SEPTIN4: variants seen among roughly 807,000 people sequenced by gnomAD.
The protein encoded by SEPTIN4 is septin-4.
In SEPTIN4, 52 loss-of-function variants were observed where a neutral mutation model predicts 107.1. The ratio of observed to expected loss-of-function variants is 0.49; its 90% CI spans 0.39 to 0.61. SEPTIN4 has a LOEUF of 0.61. Among genes scored for constraint, SEPTIN4 ranks in the 20% least tolerant of loss-of-function variants. The pLI, the probability that SEPTIN4 is intolerant of heterozygous loss-of-function variation, is 0.00. For synonymous variants in SEPTIN4, 417 were observed against 467.0 expected (o/e 0.89, Z 1.38); for missense variants, 1,048 against 1,243.5 (o/e 0.84, Z 2.36).
intron 6 of SEPTIN4, 87 bp from the exon 7 acceptor site, chr17:58,525,288 C>A: frequency 1.3e-6 from 2 of 1,535,684 alleles, no homozygotes; most frequent in Admixed American, 1.7e-5. Context: ...CCTTGTTGCT[C>A]AGACTGCCTA....
Position 58,540,054 on chromosome 17 carries a change from G to C in SEPTIN4, c.1614+612C>G, listed in dbSNP as rs910929165. ...GGCCATTGCTAGGCTTTGGGTAATA[G>C]AGAAATATGGCAAGAGAAAATAATG... is the stretch of plus-strand genomic sequence containing the variant. On this transcript the variant is annotated intron_variant, in intron 3 of 13. Coordinates refer to ENST00000672673, the MANE Select transcript of SEPTIN4 (RefSeq NM_001368771.2). Among the ~76,000 whole-genome samples, 7 of 152,326 alleles carry C rather than the reference G, an allele frequency of 4.6e-5. No individual in the cohort carries two copies. The East Asian group carries it at 5.8e-4, about 13-fold the overall frequency.
At chr17:58,535,702 T>G (rs1004842361) in intron 3 of SEPTIN4, among the ~76,000 whole-genome samples, 1 of 152,200 alleles carries the variant, frequency 6.6e-6, no homozygotes, top group South Asian at 2.1e-4. Flanking sequence ...TCTGTATACT[T>G]TTCTCTACCA....
rs577749799 is a variant in SEPTIN4, at chr17:58,531,848, C to A, written c.1615-4870G>T. 1,744 of 1,011,598 alleles carry A rather than the reference C, an allele frequency of 1.7e-3. 1 individual carries two copies. The highest frequency in any genetic ancestry group is 2.2e-3 in the South Asian group (47 of 21,466). The allele number at this position is 1,011,598 out of a possible 1,614,324, so 62.7% of individuals were successfully genotyped here. A position where few individuals can be genotyped will look rare whatever the true frequency, so the allele number is the denominator to read the frequency against. On this transcript the variant is annotated intron_variant, in intron 3 of 13. Transcript: ENST00000672673. The stretch of plus-strand genomic sequence containing the variant: ...CCGGGGCCGGCGACGGCGCCTCCCA[C>A]CCTGCACAGCCGCGGCTGCGGTGCC...
At chr17:58,524,039 T>C (rs776953079) in intron 7 of SEPTIN4, among the ~76,000 whole-genome samples, 2 of 152,188 alleles carry the variant, frequency 1.3e-5, no homozygotes, top group African/African-American at 2.4e-5. Flanking sequence ...AAGGAGATCA[T>C]TTGCTCAAGA....
rs2042958594 is a variant in SEPTIN4 at position 58,526,837 on chromosome 17, C to G, written c.1756G>C (p.Ala586Pro). Reference protein sequence around the residue: ...RPQVPEPRPQAPDLYDDDLEF... With the variant: ...RPQVPEPRPQPPDLYDDDLEF... ...AGGTCATCATCATAGAGGTCCGGGG[C>G]CTGGGGCCTTGGCTCCGGGACTTGG... is the stretch of plus-strand genomic sequence containing the variant. The change falls in exon 4 of 14, where the codon GCC becomes CCC. Residue 586 changes from alanine (A) to proline (P), a missense_variant. Physicochemically the swap from Ala to Pro is conservative, Grantham distance 27 (BLOSUM62 -1). Around this residue, in one of 2 missense-constraint regions of SEPTIN4, gnomAD observed 787 missense variants for 871.8 expected, o/e 0.90. Transcript: ENST00000672673. 5 of 1,613,694 alleles carry G rather than the reference C, an allele frequency of 3.1e-6. No individual in the cohort carries two copies. Among genetic ancestry groups the G allele is most frequent in the African/African-American group, 1.3e-5 (1 of 74,978 alleles).
chr17:58,529,401 C>A lies in SEPTIN4; in HGVS notation c.1615-2423G>T, dbSNP rs897099985. ...TCTCCTCCCCTTCCCTTGGCTCCCACCCTCCAAGGACAGCTCAGCTGCAGC... is the reference window on the plus strand; with the variant it reads ...TCTCCTCCCCTTCCCTTGGCTCCCAACCTCCAAGGACAGCTCAGCTGCAGC... On this transcript the variant is annotated intron_variant, in intron 3 of 13. Transcript: ENST00000672673. The A allele has an allele frequency of 2.8e-6, 4 of 1,421,908 alleles. No homozygotes were observed. In the African/African-American group the frequency reaches 5.8e-5, roughly 20 times the overall value. The allele number at this position is 1,421,908 out of a possible 1,614,324, so 88.1% of individuals were successfully genotyped here. A position where few individuals can be genotyped will look rare whatever the true frequency, so the allele number is the denominator to read the frequency against.
rs1567945058 is a variant in SEPTIN4, at chr17:58,520,392, G to A, written c.*34C>T. ...GGGGCCGGCATGGACAGGAAGAAGA[G>A]GAGGAGATTTAAATATCCAGGGCTG... On this transcript the variant is annotated 3_prime_UTR_variant, in exon 14 of 14. Coordinates refer to ENST00000672673, the MANE Select transcript of SEPTIN4 (RefSeq NM_001368771.2). The A allele has an allele frequency of 1.9e-6, 3 of 1,604,660 alleles. No individual in the cohort carries two copies.
intron 7 of SEPTIN4, 44 bp downstream of exon 7, chr17:58,525,034 A>G: frequency 6.2e-7 from 1 of 1,613,106 alleles, no homozygotes; most frequent in Non-Finnish European, 8.5e-7. Flanking sequence ...TGTATGGAGA[A>G]GGGTGGCTCA....
At chr17:58,524,935 G>T in intron 7 of SEPTIN4, 143 bp downstream of exon 7, 1 of 966,434 alleles carries the variant, frequency 1.0e-6, no homozygotes, top group Non-Finnish European at 1.6e-6. Flanking sequence ...GGAGGAGATG[G>T]CTGTCCAGTA....
Position 58,544,253 on chromosome 17 carries a change from T to C in SEPTIN4, c.-67A>G. On this transcript the variant is annotated 5_prime_UTR_variant, in exon 1 of 14. Coordinates refer to ENST00000672673, the MANE Select transcript of SEPTIN4 (RefSeq NM_001368771.2). ...GGCTGGCTTGTATTCAGGATCCTAA[T>C]GATGCCTGAATATTTACCCTGTTTT... 2.0e-6 allele frequency: 3 copies of C among 1,513,998 alleles called. No homozygotes were observed. The highest frequency in any genetic ancestry group is 2.7e-6 in the Non-Finnish European group (3 of 1,131,220). The allele number at this position is 1,513,998 out of a possible 1,614,324, so 93.8% of individuals were successfully genotyped here. A position where few individuals can be genotyped will look rare whatever the true frequency, so the allele number is the denominator to read the frequency against.
Position 58,543,735 on chromosome 17 carries a change from G to C in SEPTIN4, c.452C>G (p.Pro151Arg). The C allele has an allele frequency of 1.2e-6, 2 of 1,614,164 alleles. No individual in the cohort carries two copies. The highest frequency in any genetic ancestry group is 8.5e-7 in the Non-Finnish European group (1 of 1,180,028). ...CAACTGATGAGTAGATTTGGCATCT[G>C]GGATTGATGAAGCATGATGGCCGAC... ...REVGHHASSIPDAKSTHQLSF... is the reference protein window; with the variant it reads ...REVGHHASSIRDAKSTHQLSF... Residue 151 changes from proline (P) to arginine (R), a missense_variant, in exon 1 of 14, where the codon CCA becomes CGA. Physicochemically the swap from Pro to Arg is moderately radical, Grantham distance 103. Transcript: ENST00000672673.
intron 2 of SEPTIN4, 38 bp from the exon 3 acceptor site, chr17:58,540,711 G>A: frequency 7.5e-7 from 1 of 1,331,628 alleles, no homozygotes; most frequent in South Asian, 2.0e-5. Context: ...TTCCCAGGGG[G>A]CAGCAAATGG....
At chr17:58,524,242 G>A (rs1343666623) in intron 7 of SEPTIN4, among the ~76,000 whole-genome samples, 1 of 152,136 alleles carries the variant, frequency 6.6e-6, no homozygotes, top group Non-Finnish European at 1.5e-5. Context: ...ACCATTAGCT[G>A]GAGGGGGGTC....
intron 3 of SEPTIN4, among the ~76,000 whole-genome samples, chr17:58,532,553 T>G (rs1598309043): frequency 6.6e-6 from 1 of 152,336 alleles, no homozygotes; most frequent in African/African-American, 2.4e-5. Flanking sequence ...CCACCCGAGC[T>G]GTGAAGGGGC....
intron 6 of SEPTIN4, chr17:58,525,443 G>C: frequency 1.6e-6 from 1 of 615,230 alleles, no homozygotes; most frequent in Non-Finnish European, 2.8e-6. Flanking sequence ...TTTTTTTCTT[G>C]GATTCCTGGA....
intron 12 of SEPTIN4, 74 bp from the exon 13 acceptor site, chr17:58,520,916 A>G: frequency 3.1e-6 from 5 of 1,612,024 alleles, no homozygotes; most frequent in Non-Finnish European, 4.2e-6. Flanking sequence ...GGCCTATAGA[A>G]GAACAAAAGT....
At chr17:58,522,219 T>A in intron 7 of SEPTIN4, 118 bp from the exon 8 acceptor site, 1 of 1,324,346 alleles carries the variant, frequency 7.6e-7, no homozygotes, top group Non-Finnish European at 1.0e-6. Context: ...TGTTATTCCC[T>A]GGCTTGCTTT....
chr17:58,527,285 G>C, intron 3 of SEPTIN4: 1 of 549,092 alleles, frequency 1.8e-6, no homozygotes, highest in Non-Finnish European at 3.3e-6. Flanking sequence ...CTCCTTCTCA[G>C]CAGCATGTTT....
chr17:58,543,886 A>T lies in SEPTIN4; in HGVS notation c.301T>A (p.Ser101Thr). Residue 101 changes from serine (S) to threonine (T), a missense_variant, in exon 1 of 14, where the codon TCT (serine) becomes ACT (threonine). Coordinates refer to ENST00000672673, the MANE Select transcript of SEPTIN4 (RefSeq NM_001368771.2). ...GTCTTCTGGCTCTTTAGATGGGGAG[A>T]GGAATGGCGGGATGATTCTGTTCTT... ...GPRTESSRHS[S>T]PHLKSQKTQT... 3 of 1,613,808 alleles carry T rather than the reference A, an allele frequency of 1.9e-6. No individual in the cohort carries two copies. Among genetic ancestry groups the T allele is most frequent in the Non-Finnish European group, 2.5e-6 (3 of 1,179,990 alleles).
Sources: allele counts gnomAD v4.1 joint callset (sites outside exome capture counted in the v4.1 genomes callset), GRCh38; gene constraint gnomAD v4.1.1; regional missense constraint gnomAD v4.1.1; transcripts MANE v1.5; gene names NCBI Gene and HGNC (gene_info 2026-07-23, HGNC 2026-07-21).